The following CROCC2 variants were observed in gnomAD, a reference collection of about 807,000 sequenced individuals.
CROCC2 encodes the protein ciliary rootlet coiled-coil, rootletin family member 2.
In CROCC2, 163 loss-of-function variants were observed where a neutral mutation model predicts 177.6. The ratio of observed to expected loss-of-function variants is 0.92; its 90% CI spans 0.81 to 1.05. The LOEUF is 1.05. Among genes scored for constraint, CROCC2 ranks in the 50% least tolerant of loss-of-function variants. The pLI is 0.00. For synonymous variants in CROCC2, 904 were observed against 787.3 expected, an observed-to-expected ratio of 1.15 and a Z score of -2.48; for missense variants, 1,929 against 1,797.8, an observed-to-expected ratio of 1.07 and a Z score of -1.32.
chr2:240,969,277 C>G (rs764864509), intron 27 of CROCC2, among the ~76,000 whole-genome samples: 1 of 152,184 alleles, frequency 6.6e-6, no homozygotes, highest in Non-Finnish European at 1.5e-5. Context: ...GGCTCAGCCC[C>G]GGAGCCTGGT....
intron 28 of CROCC2, 101 bp from the exon 29 acceptor site, chr2:240,988,637 CA>C: frequency 8.3e-7 from 1 of 1,197,856 alleles, no homozygotes; most frequent in South Asian, 3.3e-5. Flanking sequence ...TAGGGGAATT[CA>C]GAGTCCTTCC....
At chr2:240,927,823 G>C (rs1315619612) in intron 5 of CROCC2, among the ~76,000 whole-genome samples, 1 of 152,128 alleles carries the variant, frequency 6.6e-6, no homozygotes, top group South Asian at 2.1e-4. Context: ...GATAATTTTT[G>C]TATTTTTAGT....
At chr2:240,927,441 A>G (rs1276492511) in intron 5 of CROCC2, among the ~76,000 whole-genome samples, 1 of 152,092 alleles carries the variant, frequency 6.6e-6, no homozygotes, top group Non-Finnish European at 1.5e-5. Flanking sequence ...TCTCCCAGGC[A>G]CAGTTCACGG....
chr2:240,954,042 C>T (rs564429364), intron 18 of CROCC2, among the ~76,000 whole-genome samples: 5 of 152,270 alleles, frequency 3.3e-5, no homozygotes, highest in Middle Eastern at 3.4e-3. Context: ...CCAGTAAGGG[C>T]AGATTTATAA....
In CROCC2 at chr2:240,907,257, T is replaced by C. The variant is rs187319082; in HGVS notation, c.78+666T>C. 1.7e-3 allele frequency among the ~76,000 whole-genome samples: 260 copies of C among 152,228 alleles called. 1 individual carries two copies. The highest frequency in any genetic ancestry group is 2.5e-3 in the Non-Finnish European group (171 of 67,974). On this transcript the variant is annotated intron_variant, in intron 1 of 31. Transcript: ENST00000690015. ...CTGGTTCTGTCTTCGTAGCACCTGG[T>C]GTGTGACAACAGTGGCTGGGAATTG...
At chr2:240,932,002 C>T (rs957637576) in intron 7 of CROCC2, among the ~76,000 whole-genome samples, 1 of 152,238 alleles carries the variant, frequency 6.6e-6, no homozygotes, top group African/African-American at 2.4e-5. Flanking sequence ...AAGGACTGGC[C>T]AGGAAAAGGC....
At chr2:240,964,299 CAT>C (rs1388781444) in intron 21 of CROCC2, 165 bp from the exon 22 acceptor site, 27 of 771,130 alleles carry the variant, frequency 3.5e-5, no homozygotes, top group East Asian at 1.9e-4. Flanking sequence ...CCTGGGTGGA[CAT>C]ATGTCTGTAA....
intron 27 of CROCC2, among the ~76,000 whole-genome samples, chr2:240,969,704 AG>A (rs1410871336): frequency 6.6e-6 from 1 of 152,194 alleles, no homozygotes; most frequent in African/African-American, 2.4e-5. Context: ...CTCTGCTCAC[AG>A]GTTACACATT....
rs745712908 is a variant in CROCC2 at position 240,988,711 on chromosome 2, C to T, written c.4552-28C>T. 3.3e-4 allele frequency: 445 copies of T among 1,344,404 alleles called. 1 individual carries two copies. Among genetic ancestry groups the T allele is most frequent in the Non-Finnish European group, 4.0e-4 (412 of 1,037,356 alleles). 83.3% of individuals were successfully genotyped at this position (1,344,404 alleles called of 1,614,324 possible). A position where few individuals can be genotyped will look rare whatever the true frequency, so the allele number is the denominator to read the frequency against. ...GACCTCACTCCCTGCCAGGAGGCCA[C>T]AGGTTCTGCCTCCTGGGATCTCTGC... On this transcript the variant is annotated intron_variant, in intron 28 of 31. Coordinates refer to ENST00000690015, the MANE Select transcript of CROCC2 (RefSeq NM_001351305.2).
In CROCC2 at chr2:240,958,073, G is replaced by A. The variant is rs929877680; in HGVS notation, c.2944-1228G>A. 13 of 985,288 alleles carry A rather than the reference G, an allele frequency of 1.3e-5. No homozygotes were observed. The highest frequency in any genetic ancestry group is 1.1e-4 in the East Asian group (1 of 8,812). 61.0% of individuals were successfully genotyped at this position (985,288 alleles called of 1,614,324 possible). A position where few individuals can be genotyped will look rare whatever the true frequency, so the allele number is the denominator to read the frequency against. ...GCCAGCCGGCCTTCCTGGGGAGCTC[G>A]TTAAGGGTTCCTTTGCCACCTCGGC... is the stretch of plus-strand genomic sequence containing the variant. On this transcript the variant is annotated intron_variant, in intron 19 of 31. Coordinates refer to ENST00000690015, the MANE Select transcript of CROCC2 (RefSeq NM_001351305.2). The surrounding 1 kb of genome is among the most constrained non-coding windows in gnomAD (Gnocchi z 6.7).
At chr2:240,910,129 C>T (rs2059278032) in intron 1 of CROCC2, among the ~76,000 whole-genome samples, 1 of 152,130 alleles carries the variant, frequency 6.6e-6, no homozygotes, top group Non-Finnish European at 1.5e-5. Context: ...TGTAAAGGGG[C>T]AGGCTTGGAA....
At chr2:240,963,228 G>C (rs1174281353) in intron 20 of CROCC2, 2 of 369,428 alleles carry the variant, frequency 5.4e-6, no homozygotes, top group Non-Finnish European at 1.0e-5. Flanking sequence ...GTGCAGACAC[G>C]TGTGCTGAGC....
chr2:240,990,504 AC>A (rs1031444442), intron 30 of CROCC2, among the ~76,000 whole-genome samples: 7 of 152,206 alleles, frequency 4.6e-5, no homozygotes, highest in African/African-American at 1.7e-4. Context: ...AGGGTCCCCA[AC>A]CACCAAGGCA....
intron 14 of CROCC2, 128 bp from the exon 15 acceptor site, chr2:240,945,932 C>T (rs1254819994): frequency 2.8e-6 from 2 of 711,628 alleles, no homozygotes; most frequent in African/African-American, 3.6e-5. Flanking sequence ...ACTTCTTCCA[C>T]TTTCACCTCC....
intron 31 of CROCC2, 133 bp downstream of exon 31, chr2:240,991,411 G>C (rs1445625167): frequency 2.7e-6 from 2 of 734,992 alleles, no homozygotes; most frequent in Non-Finnish European, 4.3e-6. Context: ...CCAATGCCTT[G>C]TGCTCTGCAC....
intron 12 of CROCC2, 143 bp downstream of exon 12, chr2:240,934,618 C>A: frequency 1.1e-6 from 1 of 915,400 alleles, no homozygotes; most frequent in Non-Finnish European, 1.6e-6. Context: ...CACCAAAGTT[C>A]TCTCCCGTCC....
intron 15 of CROCC2, among the ~76,000 whole-genome samples, chr2:240,947,307 G>T (rs375469715): frequency 6.6e-6 from 1 of 152,216 alleles, no homozygotes; most frequent in Non-Finnish European, 1.5e-5. Context: ...TCCAAGGACC[G>T]GGGTGGAGGT....
In CROCC2 at chr2:240,965,373, G is replaced by A. The variant is rs561753465; in HGVS notation, c.3466-8G>A. 195 of 1,549,120 alleles carry A rather than the reference G, an allele frequency of 1.3e-4. No individual in the cohort carries two copies. The African/African-American group carries it at 1.8e-3, about 14-fold the overall frequency. On this transcript the variant is annotated splice_region_variant and splice_polypyrimidine_tract_variant and intron_variant, in intron 22 of 31. Transcript: ENST00000690015. ...AGTGACCCTGTCCGTGCGGCCCCACGCTCCCAGGTGAGGACACTGAAGGCC... is the reference window on the plus strand; with the variant it reads ...AGTGACCCTGTCCGTGCGGCCCCACACTCCCAGGTGAGGACACTGAAGGCC...
chr2:240,945,831 G>T (rs1346499989), intron 14 of CROCC2, among the ~76,000 whole-genome samples: 2 of 151,900 alleles, frequency 1.3e-5, no homozygotes, highest in Admixed American at 1.3e-4. Flanking sequence ...ACCTAGGAGT[G>T]CCCAGTTCAA....
Sources: gnomAD v4.1 joint callset for allele counts (sites outside exome capture counted in the v4.1 genomes callset) on GRCh38, gnomAD v4.1.1 for gene constraint, Gnocchi (gnomAD v3.1) non-coding constraint, MANE v1.5 for transcripts, NCBI Gene and HGNC (gene_info 2026-07-23, HGNC 2026-07-21) for gene names.